Variants in PCDHA10 observed in about 807,000 individuals in gnomAD.
The protein encoded by PCDHA10 is protocadherin alpha 10.
In PCDHA10, 45 loss-of-function variants were observed where a neutral mutation model predicts 61.2. That is an observed-to-expected ratio of 0.74 (90% confidence interval 0.58 to 0.94). The LOEUF is 0.94. Among genes scored for constraint, PCDHA10 ranks in the 40% least tolerant of loss-of-function variants. The pLI is 0.00. For missense variants in PCDHA10, 1,278 were observed against 1,236.2 expected, an observed-to-expected ratio of 1.03 and a Z score of -0.51; for synonymous variants, 602 against 548.8, an observed-to-expected ratio of 1.10 and a Z score of -1.35.
chr5:140,869,748 A>G, intron 1 of PCDHA10: 1 of 1,613,334 alleles, frequency 6.2e-7, no homozygotes, highest in Admixed American at 1.7e-5. Flanking sequence ...TAACAGCTAC[A>G]GACGGGGGAA....
At chr5:140,873,009 T>C (rs1397141967) in intron 1 of PCDHA10, among the ~76,000 whole-genome samples, 1 of 152,224 alleles carries the variant, frequency 6.6e-6, no homozygotes, top group African/African-American at 2.4e-5. Context: ...TCATTCTTCA[T>C]ATTTAGTTAT....
At chr5:141,006,553 G>A (rs1554260809) in intron 3 of PCDHA10, among the ~76,000 whole-genome samples, 1 of 152,168 alleles carries the variant, frequency 6.6e-6, no homozygotes, top group African/African-American at 2.4e-5. Context: ...AAGAAATAAA[G>A]ATGACTCTGG....
intron 3 of PCDHA10, among the ~76,000 whole-genome samples, chr5:140,998,786 A>G (rs1210415944): frequency 1.3e-5 from 2 of 152,026 alleles, no homozygotes; most frequent in African/African-American, 4.8e-5. Flanking sequence ...CTGGTCTGGA[A>G]CCCCTGACCT....
chr5:140,886,317 G>A (rs1323122893), intron 1 of PCDHA10, among the ~76,000 whole-genome samples: 2 of 151,612 alleles, frequency 1.3e-5, no homozygotes, highest in Non-Finnish European at 2.9e-5. Context: ...TACACTTTAA[G>A]TTCTGGGATA....
chr5:140,926,780 G>A, intron 1 of PCDHA10: 2 of 1,397,714 alleles, frequency 1.4e-6, no homozygotes, highest in Non-Finnish European at 1.9e-6. Context: ...CAGCAGTGAC[G>A]GCCGGCAGGA....
intron 1 of PCDHA10, chr5:140,865,770 T>C (rs1554159611): frequency 6.6e-6 from 1 of 152,200 alleles, no homozygotes; most frequent in Non-Finnish European, 1.5e-5. Context: ...GGAGATATTA[T>C]TCAAATGTGT....
intron 1 of PCDHA10, among the ~76,000 whole-genome samples, chr5:140,956,940 T>G (rs1446313251): frequency 6.7e-6 from 1 of 150,168 alleles, no homozygotes; most frequent in Non-Finnish European, 1.5e-5. Flanking sequence ...AGGATAAAAT[T>G]TACATTAAAA....
chr5:140,981,687 A>T (rs1283182396), intron 2 of PCDHA10, among the ~76,000 whole-genome samples: 1 of 151,972 alleles, frequency 6.6e-6, no homozygotes, highest in Non-Finnish European at 1.5e-5. Flanking sequence ...CCTCCCTTCC[A>T]TCATTCATTC....
intron 2 of PCDHA10, among the ~76,000 whole-genome samples, chr5:140,980,159 A>G (rs2153821002): frequency 6.6e-6 from 1 of 152,326 alleles, no homozygotes; most frequent in Admixed American, 6.5e-5. Context: ...ATACCAGAAT[A>G]TTAGGTATCA....
chr5:140,985,845 C>T (rs1381097554), intron 3 of PCDHA10, among the ~76,000 whole-genome samples: 1 of 150,700 alleles, frequency 6.6e-6, no homozygotes, highest in African/African-American at 2.4e-5. Flanking sequence ...GTTCATGCCA[C>T]TCTCCTGCCT....
chr5:140,943,006 C>G (rs1314561126), intron 1 of PCDHA10, among the ~76,000 whole-genome samples: 1 of 151,932 alleles, frequency 6.6e-6, no homozygotes, highest in East Asian at 1.9e-4. Context: ...CCTGTAATCC[C>G]AGCACTTTGG....
In PCDHA10 at chr5:140,877,192, G is replaced by C. The variant is rs202102698; in HGVS notation, c.2388+18756G>C. 3.5e-4 allele frequency: 559 copies of C among 1,613,846 alleles called. 3 individuals are homozygous for C. The African/African-American group carries it at 6.5e-3, about 19-fold the overall frequency. Reference sequence around the variant, plus strand: ...GCTGGCGACTCCGGCTGGCAGCGCAGGAGGCGCAGTTAGCGAGTTGGTACC... The same window carrying C: ...GCTGGCGACTCCGGCTGGCAGCGCACGAGGCGCAGTTAGCGAGTTGGTACC... On this transcript the variant is annotated intron_variant, in intron 1 of 3. Coordinates refer to ENST00000307360, the MANE Select transcript of PCDHA10 (RefSeq NM_018901.4).
chr5:140,864,844 C>T (rs894176807), intron 1 of PCDHA10: 3 of 152,100 alleles, frequency 2.0e-5, no homozygotes, highest in Admixed American at 2.0e-4. Context: ...AGAGAGTCTT[C>T]CCATACATGA....
chr5:140,961,278 C>T (rs1205288915), intron 1 of PCDHA10, among the ~76,000 whole-genome samples: 1 of 152,192 alleles, frequency 6.6e-6, no homozygotes, highest in Non-Finnish European at 1.5e-5. Context: ...TTTACCATGG[C>T]TCTGTTTCTT....
In PCDHA10 at chr5:141,010,293, GC is replaced by G; in HGVS notation, c.*357del. The G allele has an allele frequency of 6.5e-7, 1 of 1,549,794 alleles. No individual in the cohort carries two copies. The highest frequency in any genetic ancestry group is 8.7e-7 in the Non-Finnish European group (1 of 1,146,454). On this transcript the variant is annotated 3_prime_UTR_variant, in exon 4 of 4. Transcript: ENST00000307360. ...ATCCTGTCTTGATGACACTTGCAGG[GC>G]AGGCTGAAAAGTTTTGAGATTGAGC...
At chr5:140,975,365 A>G (rs186836387) in intron 1 of PCDHA10, among the ~76,000 whole-genome samples, 5 of 152,370 alleles carry the variant, frequency 3.3e-5, no homozygotes, top group Admixed American at 2.0e-4. Context: ...GCTACATAGC[A>G]TAATGTAATC....
intron 1 of PCDHA10, among the ~76,000 whole-genome samples, chr5:140,878,400 A>G (rs1190004888): frequency 6.6e-6 from 1 of 152,218 alleles, no homozygotes; most frequent in Non-Finnish European, 1.5e-5. Flanking sequence ...TGCTCACAAA[A>G]TATCTTCTTT....
At chr5:140,939,243 T>C (rs1414943094) in intron 1 of PCDHA10, among the ~76,000 whole-genome samples, 1 of 152,168 alleles carries the variant, frequency 6.6e-6, no homozygotes, top group Non-Finnish European at 1.5e-5. Context: ...AGGAGCAAGG[T>C]AGCTCTCTGG....
At chr5:140,982,127 C>G (rs1367393953) in intron 2 of PCDHA10, among the ~76,000 whole-genome samples, 1 of 152,244 alleles carries the variant, frequency 6.6e-6, no homozygotes, top group Non-Finnish European at 1.5e-5. Flanking sequence ...CTTTTGAGAA[C>G]AAGCCCTCCT....
Sources: allele counts gnomAD v4.1 joint callset (sites outside exome capture counted in the v4.1 genomes callset), GRCh38; gene constraint gnomAD v4.1.1; transcripts MANE v1.5; gene names NCBI Gene and HGNC (gene_info 2026-07-23, HGNC 2026-07-21).